The following SESTD1 variants were observed in gnomAD, a reference collection of about 807,000 sequenced individuals.
SESTD1 encodes SEC14 domain and spectrin repeat-containing protein 1.
SESTD1 carries 43 observed loss-of-function variants against 101.7 expected under a neutral mutation model. The ratio of observed to expected loss-of-function variants is 0.42; its 90% CI spans 0.33 to 0.55. The LOEUF (loss-of-function observed/expected upper bound fraction) is 0.55. SESTD1 is among the 20% of genes least tolerant of loss of function. The pLI is 0.07. For missense variants in SESTD1, 647 were observed against 815.1 expected (o/e 0.79, Z 2.51); for synonymous variants, 283 against 286.8 (o/e 0.99, Z 0.13).
intron 12 of SESTD1, among the ~76,000 whole-genome samples, chr2:179,122,178 G>A (rs1348351292): frequency 2.0e-5 from 3 of 152,096 alleles, no homozygotes; most frequent in African/African-American, 7.2e-5. Context: ...GAAAACATGG[G>A]TTTCCATAGA....
intron 12 of SESTD1, among the ~76,000 whole-genome samples, 183 bp downstream of exon 12, chr2:179,123,532 A>G (rs1047920939): frequency 2.0e-5 from 3 of 152,184 alleles, no homozygotes; most frequent in Non-Finnish European, 4.4e-5. Context: ...ACTAACGATG[A>G]AAAATAAAAT....
At position 179,211,030 on chromosome 2, in the gene SESTD1, G is replaced by A. The variant is rs1309226496; in HGVS notation, c.-25-19164C>T. ...AGCACTGCTACACACCAACAGCAAC[G>A]AAGCTGAGAATCAAATCAAGAACTC... On this transcript the variant is annotated intron_variant, in intron 1 of 17. Coordinates refer to ENST00000428443, the MANE Select transcript of SESTD1 (RefSeq NM_178123.5). 3.8e-5 allele frequency among the ~76,000 whole-genome samples: 5 copies of A among 130,638 alleles called. 2 individuals are homozygous for A. Among genetic ancestry groups the A allele is most frequent in the Admixed American group, 2.2e-4 (3 of 13,418 alleles). The allele number at this position is 130,638 out of a possible 152,430, so 85.7% of individuals were successfully genotyped here.
chr2:179,170,186 T>A (rs2045906079), intron 5 of SESTD1, among the ~76,000 whole-genome samples: 1 of 151,226 alleles, frequency 6.6e-6, no homozygotes, highest in Non-Finnish European at 1.5e-5. Flanking sequence ...AGAAAACTGT[T>A]TCTCCACCTG....
At chr2:179,119,112 C>A (rs1336286221) in intron 13 of SESTD1, among the ~76,000 whole-genome samples, 1 of 152,154 alleles carries the variant, frequency 6.6e-6, no homozygotes, top group East Asian at 1.9e-4. Flanking sequence ...TCCAAGAAGA[C>A]AAACTCCATC....
intron 12 of SESTD1, 87 bp downstream of exon 12, chr2:179,123,628 G>C: frequency 2.5e-6 from 2 of 812,750 alleles, no homozygotes; most frequent in Non-Finnish European, 3.9e-6. Flanking sequence ...AATTAGTTCA[G>C]TGTAAGTTGA....
At chr2:179,132,084 A>G in intron 10 of SESTD1, 1 of 408,288 alleles carries the variant, frequency 2.4e-6, no homozygotes, top group Non-Finnish European at 4.3e-6. Flanking sequence ...TGCTTCTATA[A>G]AAATATAATT....
At chr2:179,220,304 G>T (rs1225829892) in intron 1 of SESTD1, among the ~76,000 whole-genome samples, 2 of 152,028 alleles carry the variant, frequency 1.3e-5, no homozygotes, top group Non-Finnish European at 2.9e-5. Flanking sequence ...ATTAATATAT[G>T]AAAAAATTTT....
chr2:179,109,631 A>T lies in SESTD1; in HGVS notation c.*268T>A. 1 of 450,586 alleles carries T rather than the reference A, an allele frequency of 2.2e-6. No homozygotes were observed. The highest frequency in any genetic ancestry group is 3.2e-5 in the East Asian group (1 of 31,608). The allele number at this position is 450,586 out of a possible 1,614,324, so 27.9% of individuals were successfully genotyped here. A position where few individuals can be genotyped will look rare whatever the true frequency, so the allele number is the denominator to read the frequency against. On this transcript the variant is annotated 3_prime_UTR_variant, in exon 18 of 18. Transcript: ENST00000428443. ...TTATCAGTTGTTTGTCTACAAACTG[A>T]CAGGTCAGGTAAAGCTTTAAAGCAA...
intron 12 of SESTD1, among the ~76,000 whole-genome samples, chr2:179,123,250 G>A (rs2044792955): frequency 2.6e-5 from 4 of 152,066 alleles, no homozygotes; most frequent in Non-Finnish European, 4.4e-5. Flanking sequence ...CTTGGAGAAT[G>A]GGTAATCTGA....
intron 5 of SESTD1, among the ~76,000 whole-genome samples, chr2:179,153,445 T>A (rs2045567301): frequency 6.6e-6 from 1 of 152,142 alleles, no homozygotes; most frequent in African/African-American, 2.4e-5. Context: ...ATTGGAAGTA[T>A]CAGTTTAAAC....
At chr2:179,189,923 A>T (rs1270068526) in intron 2 of SESTD1, among the ~76,000 whole-genome samples, 1 of 152,182 alleles carries the variant, frequency 6.6e-6, no homozygotes, top group Non-Finnish European at 1.5e-5. Context: ...CAGAAGACAT[A>T]AAGTAATGGA....
rs2044370622 is a variant in SESTD1, at chr2:179,105,812, AT to A, written c.*4086del. The A allele has an allele frequency of 6.6e-6, 1 of 152,146 alleles. No individual in the cohort carries two copies. Among genetic ancestry groups the A allele is most frequent in the South Asian group, 2.1e-4 (1 of 4,828 alleles). 9.4% of individuals were successfully genotyped at this position (152,146 alleles called of 1,614,324 possible). The stretch of plus-strand genomic sequence containing the variant: ...TTTTAACAGTAAATGGCAAAGCCAG[AT>A]TTTTGAAGCCAAGTATTCAAGCTCC... On this transcript the variant is annotated 3_prime_UTR_variant, in exon 18 of 18. Transcript: ENST00000428443.
chr2:179,132,282 T>G lies in SESTD1; in HGVS notation c.972+22A>C. On this transcript the variant is annotated intron_variant, in intron 10 of 17. Transcript: ENST00000428443. ...CCACGTTCATAATATCATTGTAACT[T>G]GCAGAGGAAAAAGCCTCTCACACTG... is the stretch of plus-strand genomic sequence containing the variant. The G allele has an allele frequency of 2.0e-6, 3 of 1,528,284 alleles. No homozygotes were observed. The South Asian group carries it at 3.9e-5, about 20-fold the overall frequency. The allele number at this position is 1,528,284 out of a possible 1,614,324, so 94.7% of individuals were successfully genotyped here.
At chr2:179,159,546 GA>G (rs1392358206) in intron 5 of SESTD1, among the ~76,000 whole-genome samples, 2 of 152,156 alleles carry the variant, frequency 1.3e-5, no homozygotes, top group Non-Finnish European at 2.9e-5. Flanking sequence ...CTAGATGTTT[GA>G]AAAGCAAAAA....
chr2:179,178,106 G>A (rs951328595), intron 3 of SESTD1, among the ~76,000 whole-genome samples: 2 of 152,166 alleles, frequency 1.3e-5, no homozygotes, highest in Non-Finnish European at 2.9e-5. Flanking sequence ...AAAATGTTCT[G>A]AAATTAGATA....
At chr2:179,217,908 C>G (rs938451890) in intron 1 of SESTD1, among the ~76,000 whole-genome samples, 1 of 151,830 alleles carries the variant, frequency 6.6e-6, no homozygotes, top group African/African-American at 2.4e-5. Context: ...CATGTTCTCA[C>G]TCATAGGTGG....
At chr2:179,159,056 A>G (rs1162449776) in intron 5 of SESTD1, among the ~76,000 whole-genome samples, 1 of 152,232 alleles carries the variant, frequency 6.6e-6, no homozygotes, top group Non-Finnish European at 1.5e-5. Flanking sequence ...CCATTTTACT[A>G]GAAACATTCT....
intron 2 of SESTD1, among the ~76,000 whole-genome samples, chr2:179,190,226 G>A (rs2105495354): frequency 6.6e-6 from 1 of 152,202 alleles, no homozygotes; most frequent in East Asian, 1.9e-4. Flanking sequence ...GAACAGAATA[G>A]AGATTCCAGA....
chr2:179,182,569 A>G (rs2046134264), intron 3 of SESTD1, among the ~76,000 whole-genome samples: 1 of 152,094 alleles, frequency 6.6e-6, no homozygotes, highest in Non-Finnish European at 1.5e-5. Flanking sequence ...TAGGACAAAT[A>G]AAGAGGGTTA....
Sources: gnomAD v4.1 joint callset for allele counts (sites outside exome capture counted in the v4.1 genomes callset) on GRCh38, gnomAD v4.1.1 for gene constraint, MANE v1.5 for transcripts, NCBI Gene and HGNC (gene_info 2026-07-23, HGNC 2026-07-21) for gene names.